RBM25: variants seen among roughly 807,000 people sequenced by gnomAD.
RBM25 encodes RNA-binding protein 25.
Under a neutral mutation model 120.7 loss-of-function variants are expected in RBM25, and 19 were observed. The ratio of observed to expected loss-of-function variants is 0.16; its 90% CI spans 0.11 to 0.23. The LOEUF (loss-of-function observed/expected upper bound fraction) is 0.23. RBM25 is among the 10% of genes least tolerant of loss of function. RBM25 has a pLI of 1.00. For missense variants in RBM25, 605 were observed against 1,041.5 expected (o/e 0.58, Z 5.77); for synonymous variants, 390 against 326.7 (o/e 1.19, Z -2.09).
In RBM25 at chr14:73,077,473, C is replaced by G; in HGVS notation, c.261C>G (p.Thr87=). The G allele has an allele frequency of 6.2e-7, 1 of 1,613,952 alleles. No individual in the cohort carries two copies. The highest frequency in any genetic ancestry group is 1.1e-5 in the South Asian group (1 of 91,058). Residue 87 remains threonine, a synonymous_variant, in exon 4 of 19, where the codon ACC becomes ACG. Coordinates refer to ENST00000261973, the MANE Select transcript of RBM25 (RefSeq NM_021239.3). The part of the protein sequence containing the change: ...KENDENCGPT[T]TVFVGNISEK... ...ATGATGAAAATTGTGGTCCTACTAC[C>G]ACTGTTTTTGTTGGCAACATTTCCG...
At chr14:73,083,442 A>G in intron 4 of RBM25, 52 bp from the exon 5 acceptor site, 1 of 1,392,506 alleles carries the variant, frequency 7.2e-7, no homozygotes, top group Non-Finnish European at 9.6e-7. Context: ...AGTTACATTA[A>G]AAATTATTTT....
At chr14:73,090,471 C>T (rs962744576) in intron 6 of RBM25, among the ~76,000 whole-genome samples, 2 of 152,182 alleles carry the variant, frequency 1.3e-5, no homozygotes, top group African/African-American at 4.8e-5. Flanking sequence ...TTTTGCTTTG[C>T]TGGCATCTCA....
At chr14:73,060,371 T>G (rs1432852113) in intron 1 of RBM25, among the ~76,000 whole-genome samples, 1 of 151,472 alleles carries the variant, frequency 6.6e-6, no homozygotes, top group Non-Finnish European at 1.5e-5. Context: ...TAGTCCATGT[T>G]AACATTGGGT....
Position 73,119,885 on chromosome 14 carries a change from A to C in RBM25, c.*80A>C. On this transcript the variant is annotated 3_prime_UTR_variant, in exon 19 of 19. Coordinates refer to ENST00000261973, the MANE Select transcript of RBM25 (RefSeq NM_021239.3). ...GACTTTGAATTTTTCTTTGTCTTTGAAGACATTGTGAGATCTGTAATTTTT... is the reference window on the plus strand; with the variant it reads ...GACTTTGAATTTTTCTTTGTCTTTGCAGACATTGTGAGATCTGTAATTTTT... 6.5e-7 allele frequency: 1 copy of C among 1,527,746 alleles called. No individual in the cohort carries two copies. The highest frequency in any genetic ancestry group is 1.3e-5 in the South Asian group (1 of 79,376). 94.6% of individuals were successfully genotyped at this position (1,527,746 alleles called of 1,614,324 possible). A position where few individuals can be genotyped will look rare whatever the true frequency, so the allele number is the denominator to read the frequency against.
intron 8 of RBM25, 115 bp downstream of exon 8, chr14:73,099,548 G>A: frequency 6.3e-7 from 1 of 1,582,882 alleles, no homozygotes; most frequent in Non-Finnish European, 8.6e-7. Flanking sequence ...ATTTGTTATT[G>A]TGGATATTCT....
At chr14:73,111,299 GT>G (rs1385786275) in intron 15 of RBM25, 144 bp downstream of exon 15, 74 of 850,834 alleles carry the variant, frequency 8.7e-5, no homozygotes, top group Non-Finnish European at 1.2e-4. Flanking sequence ...GCTCACGATT[GT>G]TTTCATAGTT....
Position 73,096,900 on chromosome 14 carries a change from G to A in RBM25, c.544-15G>A. On this transcript the variant is annotated splice_polypyrimidine_tract_variant and intron_variant, in intron 6 of 18. Coordinates refer to ENST00000261973, the MANE Select transcript of RBM25 (RefSeq NM_021239.3). ...CTTGATTTTTCTTTCCCCTGAATTT[G>A]CTGTTTTGTTTAAGAATGCAAGGCC... The A allele has an allele frequency of 6.2e-7, 1 of 1,603,920 alleles. No homozygotes were observed. The highest frequency in any genetic ancestry group is 8.5e-7 in the Non-Finnish European group (1 of 1,177,168).
chr14:73,060,041 GTGT>G (rs1027923556), intron 1 of RBM25, among the ~76,000 whole-genome samples: 11 of 150,726 alleles, frequency 7.3e-5, no homozygotes, highest in African/African-American at 1.7e-4. Flanking sequence ...TTTTTGTTTT[GTGT>G]TGTTGTTTTT....
At chr14:73,074,831 T>C (rs1895376119) in intron 2 of RBM25, among the ~76,000 whole-genome samples, 1 of 151,738 alleles carries the variant, frequency 6.6e-6, no homozygotes, top group Non-Finnish European at 1.5e-5. Context: ...TCAGTCTCCC[T>C]AATAACTGGG....
At position 73,112,682 on chromosome 14, in the gene RBM25, A is replaced by G. The variant is rs371455617; in HGVS notation, c.2391+432A>G. On this transcript the variant is annotated intron_variant, in intron 17 of 18. Coordinates refer to ENST00000261973, the MANE Select transcript of RBM25 (RefSeq NM_021239.3). The stretch of plus-strand genomic sequence containing the variant: ...TTTGTCAGTCACCCATCCTTTGGAT[A>G]GGATCAAAATAGTTCCTTTCATATC... Among the ~76,000 whole-genome samples, 47 of 152,328 alleles carry G rather than the reference A, an allele frequency of 3.1e-4. No homozygotes were observed. The South Asian group carries it at 6.8e-3, about 22-fold the overall frequency.
chr14:73,066,531 A>C (rs1895138530), intron 1 of RBM25, among the ~76,000 whole-genome samples: 1 of 151,844 alleles, frequency 6.6e-6, no homozygotes, highest in South Asian at 2.1e-4. Context: ...TGCACCTGTA[A>C]TCCTAGCTAC....
intron 2 of RBM25, among the ~76,000 whole-genome samples, chr14:73,072,467 A>G (rs1165658565): frequency 6.6e-6 from 1 of 152,196 alleles, no homozygotes; most frequent in Non-Finnish European, 1.5e-5. Flanking sequence ...AGTGTATATT[A>G]TAAGTCAATA....
In RBM25 at chr14:73,111,954, A is replaced by T. The variant is rs1896318216; in HGVS notation, c.2292+152A>T. ...ACACCAACTCAATGCCATGGTCAAG[A>T]AATTAGTAATAATGGAAATTTTTTT... On this transcript the variant is annotated intron_variant, in intron 16 of 18. Coordinates refer to ENST00000261973, the MANE Select transcript of RBM25 (RefSeq NM_021239.3). The T allele has an allele frequency of 4.2e-6, 5 of 1,189,062 alleles. No homozygotes were observed. The East Asian group carries it at 1.2e-4, about 29-fold the overall frequency. 73.7% of individuals were successfully genotyped at this position (1,189,062 alleles called of 1,614,324 possible). A position where few individuals can be genotyped will look rare whatever the true frequency, so the allele number is the denominator to read the frequency against.
intron 4 of RBM25, among the ~76,000 whole-genome samples, chr14:73,081,467 G>A (rs1895562121): frequency 1.3e-5 from 2 of 151,944 alleles, no homozygotes; most frequent in Admixed American, 6.6e-5. Flanking sequence ...CGTCTCATGT[G>A]TTCTGGTTCC....
Position 73,119,816 on chromosome 14 carries a change from A to C in RBM25, c.*11A>C. ...GGTCTTGTGAAGTAAAACTTTTTAT[A>C]TTTAGAGTTCCATTTCAGATTTCTT... On this transcript the variant is annotated 3_prime_UTR_variant, in exon 19 of 19. Transcript: ENST00000261973. 1 of 1,596,464 alleles carries C rather than the reference A, an allele frequency of 6.3e-7. No individual in the cohort carries two copies. The highest frequency in any genetic ancestry group is 1.4e-5 in the African/African-American group (1 of 73,648).
intron 6 of RBM25, among the ~76,000 whole-genome samples, chr14:73,092,566 A>T (rs544657505): frequency 1.1e-4 from 16 of 150,954 alleles, no homozygotes; most frequent in African/African-American, 2.7e-4. Flanking sequence ...ATTTTTTTTT[A>T]AATTTTCTTG....
chr14:73,059,895 T>G (rs1894959393), intron 1 of RBM25, among the ~76,000 whole-genome samples: 2 of 152,178 alleles, frequency 1.3e-5, no homozygotes, highest in African/African-American at 4.8e-5. Flanking sequence ...GGTTGGGGAT[T>G]GAGAAAAACG....
chr14:73,115,515 T>C (rs533138116), intron 18 of RBM25, among the ~76,000 whole-genome samples: 2 of 152,344 alleles, frequency 1.3e-5, no homozygotes, highest in South Asian at 4.1e-4. Context: ...TCGTTTTTTA[T>C]GGCCACAAGA....
intron 2 of RBM25, among the ~76,000 whole-genome samples, chr14:73,073,549 C>T (rs766292781): frequency 6.6e-6 from 1 of 152,002 alleles, no homozygotes; most frequent in Non-Finnish European, 1.5e-5. Flanking sequence ...ATTAGCTGGG[C>T]GTGGTGGCTC....
Sources: allele counts gnomAD v4.1 joint callset (sites outside exome capture counted in the v4.1 genomes callset), GRCh38; gene constraint gnomAD v4.1.1; transcripts MANE v1.5; gene names NCBI Gene and HGNC (gene_info 2026-07-23, HGNC 2026-07-21).